UBE3D: variants seen among roughly 807,000 people sequenced by gnomAD.
UBE3D encodes the protein ubiquitin protein ligase E3D.
Under a neutral mutation model 49.6 loss-of-function variants are expected in UBE3D, and 48 were observed. That is an observed-to-expected ratio of 0.97 (90% CI 0.77 to 1.23). The LOEUF (loss-of-function observed/expected upper bound fraction) is 1.23, where lower values mean the gene tolerates loss of function less well. Among genes scored for constraint, UBE3D ranks in the 50% most tolerant of loss-of-function variants. The pLI is 0.00. For missense variants in UBE3D, 452 were observed against 468.4 expected (o/e 0.96, Z 0.32); for synonymous variants, 189 against 174.2 (o/e 1.08, Z -0.67).
intron 8 of UBE3D, among the ~76,000 whole-genome samples, chr6:82,982,558 T>C (rs1778186169): frequency 1.3e-5 from 2 of 152,230 alleles, no homozygotes; most frequent in African/African-American, 4.8e-5. Context: ...TGCAACATTA[T>C]AGCATACTTT....
intron 8 of UBE3D, among the ~76,000 whole-genome samples, chr6:83,013,416 T>C (rs931849420): frequency 1.3e-5 from 2 of 152,188 alleles, no homozygotes; most frequent in Non-Finnish European, 2.9e-5. Context: ...TAACTGCCAA[T>C]GACATCTCTA....
rs916231768 is a variant in UBE3D at position 83,044,446 on chromosome 6, A to G, written c.579T>C (p.Ser193=). The G allele has an allele frequency of 5.0e-6, 8 of 1,614,130 alleles. No individual in the cohort carries two copies. The highest frequency in any genetic ancestry group is 6.8e-6 in the Non-Finnish European group (8 of 1,179,966). ...LSPVEMCCVS[S]DNHCKLEPKA... ...ATTTTACCAATTTACAATGGTTGTC[A>G]GAAGAAACACAGCACATCTCCACTG... Residue 193 remains serine, a synonymous_variant, in exon 4 of 10, where the codon TCT becomes TCC. Transcript: ENST00000369747.
intron 8 of UBE3D, among the ~76,000 whole-genome samples, chr6:82,988,463 A>AG (rs902907425): frequency 6.6e-6 from 1 of 152,144 alleles, no homozygotes; most frequent in African/African-American, 2.4e-5. Flanking sequence ...ACAAGACATG[A>AG]GAAAAAAAAA....
rs1209410876 is a variant in UBE3D at position 83,057,951 on chromosome 6, T to A, written c.149A>T (p.Glu50Val). 10 of 1,614,088 alleles carry A rather than the reference T, an allele frequency of 6.2e-6. No homozygotes were observed. Among genetic ancestry groups the A allele is most frequent in the Non-Finnish European group, 8.5e-6 (10 of 1,180,044 alleles). The change falls in exon 2 of 10, where the codon GAA becomes GTA. Residue 50 changes from glutamate (E) to valine (V), a missense_variant. By Grantham distance (121) the Glu-to-Val change is moderately radical. Transcript: ENST00000369747. ...MPSSLQMKTP[E>V]GCTEIQLPAE... ...TGGAAGCTGGATTTCTGTGCAGCCT[T>A]CAGGGGTTTTCATCTGGAGTGAAGA...
rs142471267 is a variant in UBE3D, at chr6:82,988,135, T to A, written c.1011-30685A>T. Among the ~76,000 whole-genome samples the A allele has an allele frequency of 1.0e-3, 159 of 152,326 alleles. 2 individuals are homozygous for A. In the East Asian group the frequency reaches 0.023, roughly 22 times the overall value. ...TCCTAGTTATGCAACTAAGAAGTTT[T>A]CACAAATTCTTTTTGTTTGGCAATG... is the stretch of plus-strand genomic sequence containing the variant. On this transcript the variant is annotated intron_variant, in intron 8 of 9. Coordinates refer to ENST00000369747, the MANE Select transcript of UBE3D (RefSeq NM_198920.3).
chr6:82,902,263 C>G (rs1036372001), intron 9 of UBE3D, among the ~76,000 whole-genome samples: 1 of 152,146 alleles, frequency 6.6e-6, no homozygotes, highest in African/African-American at 2.4e-5. Context: ...CATGTAATTA[C>G]TACATGACCT....
chr6:83,046,651 G>A (rs2127825072), intron 3 of UBE3D, among the ~76,000 whole-genome samples: 1 of 105,348 alleles, frequency 9.5e-6, no homozygotes, highest in East Asian at 3.4e-4. Context: ...CAGAGTAACG[G>A]TTCTAAATTC....
At position 83,054,078 on chromosome 6, in the gene UBE3D, A is replaced by C. The variant is rs944583916; in HGVS notation, c.365+70T>G. ...TACTACTCCATTGGCAATTACTTGA[A>C]AAATTCTGATAGAAAAAGAGATAAC... is the stretch of plus-strand genomic sequence containing the variant. On this transcript the variant is annotated intron_variant, in intron 3 of 9. Coordinates refer to ENST00000369747, the MANE Select transcript of UBE3D (RefSeq NM_198920.3). The C allele has an allele frequency of 3.6e-6, 5 of 1,383,364 alleles. No homozygotes were observed. In the Admixed American group the frequency reaches 8.5e-5, roughly 24 times the overall value. The allele number at this position is 1,383,364 out of a possible 1,614,324, so 85.7% of individuals were successfully genotyped here. A position where few individuals can be genotyped will look rare whatever the true frequency, so the allele number is the denominator to read the frequency against.
the UBE3D span, among the ~76,000 whole-genome samples, chr6:82,884,203 G>C: frequency 3.3e-5 from 5 of 152,144 alleles, no homozygotes; most frequent in African/African-American, 1.2e-4. Context: ...TGGTGGAGAG[G>C]ATCAACCTTC....
intron 9 of UBE3D, among the ~76,000 whole-genome samples, chr6:82,956,392 C>A (rs1776158511): frequency 6.6e-6 from 1 of 152,152 alleles, no homozygotes; most frequent in African/African-American, 2.4e-5. Context: ...TGACAATTAG[C>A]TGACTGCGAG....
intron 5 of UBE3D, among the ~76,000 whole-genome samples, chr6:83,026,419 G>C (rs1257351247): frequency 6.6e-6 from 1 of 152,082 alleles, no homozygotes; most frequent in African/African-American, 2.4e-5. Context: ...CAGCCTGAGA[G>C]ACAGAGTAAG....
intron 3 of UBE3D, among the ~76,000 whole-genome samples, chr6:83,048,079 C>CAA (rs35344320): frequency 0.088 from 4,213 of 47,926 alleles, 938 homozygotes; most frequent in Non-Finnish European, 0.095. Flanking sequence ...GACTCCAGCT[C>CAA]AAAAAAAAAA....
intron 4 of UBE3D, among the ~76,000 whole-genome samples, chr6:83,043,671 C>A (rs1782827598): frequency 6.6e-6 from 1 of 152,134 alleles, no homozygotes; most frequent in African/African-American, 2.4e-5. Context: ...ATTTAAAATA[C>A]AATGTTTTAG....
chr6:83,027,452 A>AAAAAAAAAAC (rs1781555972), intron 5 of UBE3D, among the ~76,000 whole-genome samples: 3 of 147,512 alleles, frequency 2.0e-5, no homozygotes, highest in African/African-American at 7.4e-5. Context: ...AAAAAAAAAA[A>AAAAAAAAAAC]AAAAAAAAAG....
chr6:83,032,456 A>T, intron 5 of UBE3D: 2 of 347,362 alleles, frequency 5.8e-6, no homozygotes, highest in South Asian at 2.1e-5. Flanking sequence ...CAATGCCTGT[A>T]CCCCCATTGT....
At chr6:82,920,088 C>T (rs1773215964) in intron 9 of UBE3D, among the ~76,000 whole-genome samples, 1 of 152,190 alleles carries the variant, frequency 6.6e-6, no homozygotes, top group Non-Finnish European at 1.5e-5. Context: ...TAAGAAACCA[C>T]TTTCATAGGA....
intron 8 of UBE3D, among the ~76,000 whole-genome samples, chr6:82,970,753 C>T (rs991085224): frequency 1.3e-5 from 2 of 152,008 alleles, no homozygotes; most frequent in Admixed American, 6.6e-5. Context: ...GCAGGAGAAT[C>T]GCTTGAACCC....
chr6:83,026,288 A>T (rs1043162280), intron 5 of UBE3D, among the ~76,000 whole-genome samples: 1 of 151,882 alleles, frequency 6.6e-6, no homozygotes, highest in Non-Finnish European at 1.5e-5. Flanking sequence ...CTCTACAAAA[A>T]ATTCTTTTAA....
chr6:83,032,468 T>C (rs2127792302), intron 5 of UBE3D, among the ~76,000 whole-genome samples: 1 of 152,382 alleles, frequency 6.6e-6, no homozygotes, highest in South Asian at 2.1e-4. Context: ...CCCCATTGTA[T>C]CTAGGAAGTA....
Sources: allele counts gnomAD v4.1 joint callset (sites outside exome capture counted in the v4.1 genomes callset), GRCh38; gene constraint gnomAD v4.1.1; transcripts MANE v1.5; gene names NCBI Gene and HGNC (gene_info 2026-07-23, HGNC 2026-07-21).